ST18: variants seen among roughly 807,000 people sequenced by gnomAD.
The protein encoded by ST18 is suppression of tumorigenicity 18 protein.
ST18 carries 50 observed loss-of-function variants against 110.0 expected under a neutral mutation model. The observed-to-expected ratio is 0.45, with a 90% CI of 0.36 to 0.58. The LOEUF is 0.58. Among genes scored for constraint, ST18 ranks in the 20% least tolerant of loss-of-function variants. The probability of loss-of-function intolerance (pLI) is 0.00; values close to 1 mark genes in which losing one functional copy is unlikely to be tolerated. For synonymous variants in ST18, 461 were observed against 452.4 expected, an observed-to-expected ratio of 1.02 and a Z score of -0.24; for missense variants, 1,306 against 1,280.1, an observed-to-expected ratio of 1.02 and a Z score of -0.31.
chr8:52,248,364 C>T (rs1232233023), intron 2 of ST18: 2 of 152,136 alleles, frequency 1.3e-5, no homozygotes, highest in Non-Finnish European at 2.9e-5. Flanking sequence ...TATTTTAAAA[C>T]ACCACACTTA....
chr8:52,373,415 T>A (rs1830955773), intron 2 of ST18, among the ~76,000 whole-genome samples: 1 of 152,154 alleles, frequency 6.6e-6, no homozygotes, highest in Non-Finnish European at 1.5e-5. Flanking sequence ...CCTGTATTAA[T>A]TTTTGGTAAT....
At chr8:52,184,287 A>G (rs1473752473) in intron 8 of ST18, among the ~76,000 whole-genome samples, 2 of 152,196 alleles carry the variant, frequency 1.3e-5, no homozygotes, top group Non-Finnish European at 2.9e-5. Context: ...GTTCTATTCA[A>G]TCAAACTGTT....
In ST18 at chr8:52,250,445, C is replaced by CAAAAAAAAAAA. The variant is rs1159770176; in HGVS notation, c.-464-20379_-464-20369dup. 2.1e-3 allele frequency among the ~76,000 whole-genome samples: 9 copies of CAAAAAAAAAAA among 4,280 alleles called. 1 individual carries two copies. The highest frequency in any genetic ancestry group is 0.015 in the East Asian group (2 of 132). 2.8% of individuals were successfully genotyped at this position (4,280 alleles called of 152,430 possible). On this transcript the variant is annotated intron_variant, in intron 2 of 25. Coordinates refer to ENST00000689386, the MANE Select transcript of ST18 (RefSeq NM_001352837.2). ...TGACACTGTGGAAGAGCCTCAAAGG[C>CAAAAAAAAAAA]AAAAAAAAAAAAAAAAAAAAAAAAA...
chr8:52,143,444 C>T (rs916523499), intron 16 of ST18, among the ~76,000 whole-genome samples: 2 of 151,560 alleles, frequency 1.3e-5, no homozygotes, highest in Non-Finnish European at 2.9e-5. Context: ...GAGATGGCTC[C>T]ACTGCACTCC....
chr8:52,348,964 T>C (rs1819025839), intron 2 of ST18, among the ~76,000 whole-genome samples: 1 of 152,166 alleles, frequency 6.6e-6, no homozygotes, highest in Admixed American at 6.5e-5. Context: ...TTCTTCTAGC[T>C]GAAGTTTTGT....
intron 9 of ST18, among the ~76,000 whole-genome samples, chr8:52,178,304 A>C (rs1240976936): frequency 6.6e-6 from 1 of 152,110 alleles, no homozygotes; most frequent in Non-Finnish European, 1.5e-5. Context: ...CCCTAATACT[A>C]GATTCAACTT....
At chr8:52,124,511 T>C (rs777626909) in intron 23 of ST18, among the ~76,000 whole-genome samples, 24 of 152,214 alleles carry the variant, frequency 1.6e-4, no homozygotes, top group Non-Finnish European at 2.5e-4. Context: ...AAAAATTTCA[T>C]GTAGCTTTGC....
chr8:52,172,191 T>C lies in ST18; in HGVS notation c.670A>G (p.Thr224Ala). 1 of 1,614,236 alleles carries C rather than the reference T, an allele frequency of 6.2e-7. No individual in the cohort carries two copies. Among genetic ancestry groups the C allele is most frequent in the Non-Finnish European group, 8.5e-7 (1 of 1,180,046 alleles). Residue 224 changes from threonine (T) to alanine (A), a missense_variant, in exon 10 of 26, where the codon ACA (threonine) becomes GCA (alanine). Coordinates refer to ENST00000689386, the MANE Select transcript of ST18 (RefSeq NM_001352837.2). Reference protein sequence around the residue: ...KPPRVPKYVLTDHKKDLLEVP... With the variant: ...KPPRVPKYVLADHKKDLLEVP... ...TCCAATAGGTCTTTTTTATGATCTG[T>C]TAAAACATACTTTGGGACTCTAGGT...
chr8:52,179,268 A>G (rs1420680202), intron 9 of ST18, among the ~76,000 whole-genome samples: 1 of 152,208 alleles, frequency 6.6e-6, no homozygotes, highest in Non-Finnish European at 1.5e-5. Flanking sequence ...GCATGTGACT[A>G]CCAGGAACTA....
At chr8:52,384,454 T>C (rs1216483914) in intron 2 of ST18, among the ~76,000 whole-genome samples, 2 of 151,844 alleles carry the variant, frequency 1.3e-5, no homozygotes, top group East Asian at 1.9e-4. Flanking sequence ...ACTCATCCTC[T>C]CCATACACAC....
intron 2 of ST18, among the ~76,000 whole-genome samples, chr8:52,251,475 T>C (rs2094304087): frequency 6.6e-6 from 1 of 152,148 alleles, no homozygotes; most frequent in South Asian, 2.1e-4. Flanking sequence ...GTTTCTCAGA[T>C]TAAAAACTGA....
chr8:52,115,197 C>T (rs1372956667), intron 25 of ST18, among the ~76,000 whole-genome samples: 1 of 152,076 alleles, frequency 6.6e-6, no homozygotes, highest in African/African-American at 2.4e-5. Context: ...TAACCAAAAC[C>T]AATTACATTT....
intron 2 of ST18, among the ~76,000 whole-genome samples, chr8:52,331,135 C>G (rs1445442433): frequency 6.6e-6 from 1 of 152,122 alleles, no homozygotes; most frequent in Non-Finnish European, 1.5e-5. Flanking sequence ...CTCCCTTAAC[C>G]TCTTGTTTGC....
chr8:52,160,200 G>A (rs1299088085), intron 14 of ST18, among the ~76,000 whole-genome samples: 2 of 152,158 alleles, frequency 1.3e-5, no homozygotes, highest in Non-Finnish European at 2.9e-5. Flanking sequence ...TTGTATATCT[G>A]TATAGGCACA....
intron 3 of ST18, among the ~76,000 whole-genome samples, chr8:52,222,687 C>T (rs977012406): frequency 1.3e-5 from 2 of 152,164 alleles, no homozygotes; most frequent in African/African-American, 4.8e-5. Context: ...AAGGAATCTG[C>T]GACTGACATC....
intron 23 of ST18, among the ~76,000 whole-genome samples, chr8:52,120,573 C>G (rs1202129698): frequency 6.6e-6 from 1 of 152,036 alleles, no homozygotes; most frequent in African/African-American, 2.4e-5. Flanking sequence ...AGCCCAGAGC[C>G]CAGGCTGGGA....
chr8:52,346,882 G>A (rs560362958), intron 2 of ST18, among the ~76,000 whole-genome samples: 3 of 152,186 alleles, frequency 2.0e-5, no homozygotes, highest in Non-Finnish European at 4.4e-5. Flanking sequence ...ATCTCTGGGG[G>A]AGAAAGGAGG....
At chr8:52,141,272 G>T (rs1478857598) in intron 17 of ST18, among the ~76,000 whole-genome samples, 1 of 152,174 alleles carries the variant, frequency 6.6e-6, no homozygotes. Flanking sequence ...CCTACTATGT[G>T]CAAGGCCCTG....
At chr8:52,278,189 T>G (rs1201604802) in intron 2 of ST18, among the ~76,000 whole-genome samples, 3 of 152,220 alleles carry the variant, frequency 2.0e-5, no homozygotes, top group Admixed American at 2.0e-4. Flanking sequence ...TAACAGATTT[T>G]AGGCCAGGAA....
Sources: gnomAD v4.1 joint callset for allele counts (sites outside exome capture counted in the v4.1 genomes callset) on GRCh38, gnomAD v4.1.1 for gene constraint, MANE v1.5 for transcripts, NCBI Gene and HGNC (gene_info 2026-07-23, HGNC 2026-07-21) for gene names.